Variants in DGKB observed in about 807,000 individuals in gnomAD.
DGKB encodes 90 kDa diacylglycerol kinase.
In DGKB, 67 loss-of-function variants were observed where a neutral mutation model predicts 114.3. The observed-to-expected ratio is 0.59, with a 90% CI of 0.48 to 0.72. DGKB has a LOEUF of 0.72. DGKB is among the 30% of genes least tolerant of loss of function. The pLI is 0.00. For missense variants in DGKB, 907 were observed against 975.2 expected (o/e 0.93, Z 0.93); for synonymous variants, 398 against 323.1 (o/e 1.23, Z -2.49).
intron 23 of DGKB, among the ~76,000 whole-genome samples, chr7:14,300,940 G>A (rs1020280003): frequency 1.3e-5 from 2 of 152,098 alleles, no homozygotes; most frequent in Non-Finnish European, 2.9e-5. Context: ...TTTTGAGCCA[G>A]ATGGGTTTTC....
chr7:14,440,687 G>A (rs1020745757), intron 21 of DGKB, among the ~76,000 whole-genome samples: 4 of 152,094 alleles, frequency 2.6e-5, no homozygotes, highest in African/African-American at 9.7e-5. Flanking sequence ...TTTTATATAA[G>A]TAATGCAAAT....
At chr7:14,589,522 T>C (rs1008888508) in intron 17 of DGKB, among the ~76,000 whole-genome samples, 1 of 152,064 alleles carries the variant, frequency 6.6e-6, no homozygotes, top group Non-Finnish European at 1.5e-5. Context: ...TGAGATTTTA[T>C]TTTTCTTTCT....
At chr7:14,457,945 TA>T (rs1832519494) in intron 21 of DGKB, among the ~76,000 whole-genome samples, 1 of 152,178 alleles carries the variant, frequency 6.6e-6, no homozygotes, top group African/African-American at 2.4e-5. Flanking sequence ...CCAGTATGCT[TA>T]ATAGGGAAGG....
At chr7:14,610,255 G>A (rs1041258173) in intron 16 of DGKB, among the ~76,000 whole-genome samples, 1 of 152,066 alleles carries the variant, frequency 6.6e-6, no homozygotes, top group African/African-American at 2.4e-5. Context: ...ATTTCCCTAA[G>A]AGAATTAACA....
intron 22 of DGKB, among the ~76,000 whole-genome samples, chr7:14,341,678 A>G (rs1811624480): frequency 6.6e-6 from 1 of 151,912 alleles, no homozygotes; most frequent in Admixed American, 6.6e-5. Flanking sequence ...TATAATTAAA[A>G]GAAAAGAAGA....
At chr7:14,257,198 CTAGAA>C (rs1378662407) in intron 23 of DGKB, among the ~76,000 whole-genome samples, 1 of 151,910 alleles carries the variant, frequency 6.6e-6, no homozygotes, top group East Asian at 1.9e-4. Flanking sequence ...TATTCTGTTA[CTAGAA>C]TAGAATTTTA....
At chr7:14,673,438 G>C (rs113022816) in intron 12 of DGKB, among the ~76,000 whole-genome samples, 37 of 139,578 alleles carry the variant, frequency 2.7e-4, no homozygotes, top group African/African-American at 9.9e-4. Context: ...TTTTCTCAAA[G>C]TCATTCCAAA....
intron 1 of DGKB, among the ~76,000 whole-genome samples, chr7:14,936,591 G>C (rs946339705): frequency 6.6e-6 from 1 of 152,144 alleles, no homozygotes; most frequent in East Asian, 1.9e-4. Context: ...AAGCAGGAAA[G>C]GAAGGAAAAA....
chr7:14,262,720 G>A (rs1796951276), intron 23 of DGKB, among the ~76,000 whole-genome samples: 1 of 152,092 alleles, frequency 6.6e-6, no homozygotes, highest in Non-Finnish European at 1.5e-5. Flanking sequence ...GGATGAAGGG[G>A]CAAGATAGGG....
chr7:14,947,441 A>AT lies in DGKB; in HGVS notation c.-188+27254dup, dbSNP rs540027445. Reference sequence around the variant, plus strand: ...TAAAAGATTTATTCTTCAATCCTTAATTTTTTGAAACATACATAGAAATTA... The same window carrying AT: ...TAAAAGATTTATTCTTCAATCCTTAATTTTTTTGAAACATACATAGAAATTA... On this transcript the variant is annotated intron_variant, in intron 1 of 4. Coordinates refer to the DGKB transcript ENST00000437998. Among the ~76,000 whole-genome samples, 559 of 151,808 alleles carry AT rather than the reference A, an allele frequency of 3.7e-3. 2 individuals carry two copies. The highest frequency in any genetic ancestry group is 0.014 in the Middle Eastern group (4 of 294).
intron 23 of DGKB, among the ~76,000 whole-genome samples, chr7:14,259,450 G>GGAGTC (rs1796443478): frequency 6.9e-6 from 1 of 145,108 alleles, no homozygotes; most frequent in Non-Finnish European, 1.5e-5. Context: ...GTTATAAGAC[G>GGAGTC]GAGTCTTGCT....
intron 5 of DGKB, among the ~76,000 whole-genome samples, chr7:14,723,667 G>A (rs1391702291): frequency 6.6e-6 from 1 of 151,848 alleles, no homozygotes; most frequent in African/African-American, 2.4e-5. Context: ...ATTGTAATTA[G>A]AGCGTATTAG....
chr7:14,355,165 C>G (rs1814208093), intron 21 of DGKB, among the ~76,000 whole-genome samples: 1 of 152,114 alleles, frequency 6.6e-6, no homozygotes. Context: ...CCCTCTCTCT[C>G]TTTCTCCACC....
chr7:14,613,013 A>C (rs977621171), intron 16 of DGKB, among the ~76,000 whole-genome samples: 1 of 152,080 alleles, frequency 6.6e-6, no homozygotes, highest in Admixed American at 6.6e-5. Context: ...ATTTATGTGG[A>C]TTCATCTTGT....
chr7:14,273,061 G>A (rs902568589), intron 23 of DGKB, among the ~76,000 whole-genome samples: 2 of 152,062 alleles, frequency 1.3e-5, no homozygotes, highest in African/African-American at 4.8e-5. Flanking sequence ...AGATCACAGT[G>A]GGGTCTAGCA....
chr7:14,241,182 G>T (rs897047473), intron 23 of DGKB, among the ~76,000 whole-genome samples: 8 of 152,028 alleles, frequency 5.3e-5, no homozygotes, highest in Non-Finnish European at 1.0e-4. Context: ...GCTCATTATT[G>T]TTATTGTTAT....
intron 1 of DGKB, among the ~76,000 whole-genome samples, chr7:14,898,342 T>G (rs1782444574): frequency 6.6e-6 from 1 of 152,016 alleles, no homozygotes; most frequent in Non-Finnish European, 1.5e-5. Context: ...ATCCTTTTGG[T>G]TAGAAGAGTG....
chr7:14,302,791 G>C (rs1803787017), intron 23 of DGKB, among the ~76,000 whole-genome samples: 1 of 152,074 alleles, frequency 6.6e-6, no homozygotes, highest in Non-Finnish European at 1.5e-5. Context: ...ATATTGGAAA[G>C]CAGATGATGA....
chr7:14,368,139 C>A (rs1169153300), intron 21 of DGKB, among the ~76,000 whole-genome samples: 1 of 149,256 alleles, frequency 6.7e-6, no homozygotes, highest in Non-Finnish European at 1.5e-5. Context: ...CTCCCTACCC[C>A]CACATATGCA....
Sources: allele counts gnomAD v4.1 joint callset (sites outside exome capture counted in the v4.1 genomes callset), GRCh38; gene constraint gnomAD v4.1.1; transcripts MANE v1.5; gene names NCBI Gene and HGNC (gene_info 2026-07-23, HGNC 2026-07-21).